Variants in SORBS2 observed in about 807,000 individuals in gnomAD.
The protein encoded by SORBS2 is sorbin and SH3 domain-containing protein 2.
SORBS2 carries 46 observed loss-of-function variants against 97.7 expected under a neutral mutation model. That is an observed-to-expected ratio of 0.47 (90% CI 0.37 to 0.60). The LOEUF (loss-of-function observed/expected upper bound fraction) is 0.60. SORBS2 is among the 20% of genes least tolerant of loss of function. The probability of loss-of-function intolerance (pLI) is 0.00; values close to 1 mark genes in which losing one functional copy is unlikely to be tolerated. For synonymous variants in SORBS2, 476 were observed against 473.4 expected (o/e 1.01, Z -0.07); for missense variants, 1,316 against 1,282.3 (o/e 1.03, Z -0.40).
chr4:185,815,025 A>G (rs1260701795), intron 1 of SORBS2, among the ~76,000 whole-genome samples: 3 of 152,254 alleles, frequency 2.0e-5, no homozygotes, highest in Non-Finnish European at 4.4e-5. Context: ...CATCTTTCTG[A>G]GTCAAGTGAG....
intron 1 of SORBS2, among the ~76,000 whole-genome samples, chr4:185,870,784 A>G (rs2099229999): frequency 6.6e-6 from 1 of 152,238 alleles, no homozygotes; most frequent in Non-Finnish European, 1.5e-5. Flanking sequence ...GTGCTTTTAC[A>G]GACCCAGTGT....
At chr4:185,905,102 CAA>C (rs201976720) in intron 1 of SORBS2, among the ~76,000 whole-genome samples, 2 of 141,326 alleles carry the variant, frequency 1.4e-5, no homozygotes. Flanking sequence ...GAAACTCTGT[CAA>C]AAAAAAAAAA....
At chr4:185,780,593 T>C (rs1158445543) in intron 1 of SORBS2, among the ~76,000 whole-genome samples, 1 of 152,244 alleles carries the variant, frequency 6.6e-6, no homozygotes, top group African/African-American at 2.4e-5. Context: ...GCAACTGCCT[T>C]ACTGACTCTT....
chr4:185,909,570 G>GA (rs148761276), intron 1 of SORBS2, among the ~76,000 whole-genome samples: 37,051 of 151,818 alleles, frequency 0.24, 5,023 homozygotes, highest in East Asian at 0.55. Flanking sequence ...GTAAAAAAAA[G>GA]AAAAAATAAA....
intron 1 of SORBS2, among the ~76,000 whole-genome samples, chr4:185,881,574 A>T (rs914219458): frequency 3.3e-5 from 5 of 152,342 alleles, no homozygotes; most frequent in Admixed American, 1.3e-4. Flanking sequence ...GAATTCAGGG[A>T]CTATAGCACG....
intron 13 of SORBS2, chr4:185,593,644 AT>A (rs775279570): frequency 3.9e-4 from 192 of 491,230 alleles, no homozygotes; most frequent in Middle Eastern, 3.1e-3. Flanking sequence ...TCACTGAAGC[AT>A]TGGGAAGTTT....
At chr4:185,799,676 A>G (rs2099121358) in intron 1 of SORBS2, among the ~76,000 whole-genome samples, 2 of 152,308 alleles carry the variant, frequency 1.3e-5, no homozygotes, top group South Asian at 4.1e-4. Context: ...GAGTCTTTCT[A>G]TAAACTCCCA....
chr4:185,837,253 A>G (rs1049781291), intron 1 of SORBS2, among the ~76,000 whole-genome samples: 2 of 149,656 alleles, frequency 1.3e-5, no homozygotes, highest in African/African-American at 2.4e-5. Context: ...TTGTCCCTAG[A>G]AAAAAAAAAG....
chr4:185,641,758 A>T (rs1428562441), intron 4 of SORBS2, among the ~76,000 whole-genome samples: 1 of 146,134 alleles, frequency 6.8e-6, no homozygotes, highest in African/African-American at 2.6e-5. Context: ...GTTTCTTTTC[A>T]TTAAAAAAAA....
chr4:185,802,013 A>C (rs993569311), intron 1 of SORBS2, among the ~76,000 whole-genome samples: 5 of 152,310 alleles, frequency 3.3e-5, no homozygotes, highest in Admixed American at 3.3e-4. Flanking sequence ...GCTTTTCCAC[A>C]CTATTGTCAA....
At chr4:185,861,318 G>A (rs2099223617) in intron 1 of SORBS2, among the ~76,000 whole-genome samples, 1 of 131,292 alleles carries the variant, frequency 7.6e-6, no homozygotes, top group Non-Finnish European at 1.6e-5. Flanking sequence ...CTGAAAATGG[G>A]GGGTGGGGTC....
chr4:185,752,565 C>A lies in SORBS2; in HGVS notation c.-198+22662G>T, dbSNP rs527883870. Among the ~76,000 whole-genome samples the A allele has an allele frequency of 1.8e-3, 278 of 152,238 alleles. 1 individual carries two copies. Among genetic ancestry groups the A allele is most frequent in the South Asian group, 2.9e-3 (14 of 4,812 alleles). On this transcript the variant is annotated intron_variant, in intron 2 of 20. Coordinates refer to the SORBS2 transcript ENST00000284776. The stretch of plus-strand genomic sequence containing the variant: ...TGCTGGGATTACAGGCGTGAGCCAC[C>A]GTGCCCAGCCCTGCAGCAGACTTTT...
intron 2 of SORBS2, among the ~76,000 whole-genome samples, chr4:185,683,404 C>G (rs565798319): frequency 1.4e-4 from 22 of 152,092 alleles, no homozygotes; most frequent in Admixed American, 5.9e-4. Flanking sequence ...GGACTGAGAT[C>G]CTATTTGGTT....
rs535695706 is a variant in SORBS2 at position 185,923,472 on chromosome 4, A to ATTTTTTTTTTTTTTTTTTTTTTTTTTTT, written c.-338+32723_-338+32724insAAAAAAAAAAAAAAAAAAAAAAAAAAAA. 9.8e-4 allele frequency among the ~76,000 whole-genome samples: 108 copies of ATTTTTTTTTTTTTTTTTTTTTTTTTTTT among 110,466 alleles called. 7 individuals carry two copies. The highest frequency in any genetic ancestry group is 2.2e-3 in the African/African-American group (63 of 28,340). 72.5% of individuals were successfully genotyped at this position (110,466 alleles called of 152,430 possible). On this transcript the variant is annotated intron_variant, in intron 1 of 20. Transcript: ENST00000284776. ...TGCTTGGCTAAGTTTCTTTTTTTTA[A>ATTTTTTTTTTTTTTTTTTTTTTTTTTTT]TTTTTTTTTTTTGTAGAGACAGGAC...
chr4:185,900,119 A>G (rs1432463604), intron 1 of SORBS2, among the ~76,000 whole-genome samples: 3 of 152,176 alleles, frequency 2.0e-5, no homozygotes, highest in African/African-American at 4.8e-5. Context: ...TATAGTAAGA[A>G]CCCATCTCTA....
chr4:185,945,772 G>A (rs775574358), intron 1 of SORBS2, among the ~76,000 whole-genome samples: 2 of 152,188 alleles, frequency 1.3e-5, no homozygotes, highest in African/African-American at 4.8e-5. Flanking sequence ...CTAAGTGTGT[G>A]AGCAGGGGCT....
rs374254260 is a variant in SORBS2 at position 185,891,232 on chromosome 4, T to C, written c.-338+64964A>G. 5.8e-4 allele frequency among the ~76,000 whole-genome samples: 89 copies of C among 152,354 alleles called. 1 individual carries two copies. The South Asian group carries it at 0.018, about 31-fold the overall frequency. On this transcript the variant is annotated intron_variant, in intron 1 of 20. Transcript: ENST00000284776. ...TGAAATTAAACCCAAGAAGCCATCA[T>C]AATGAAATCACCTTTGCAAAAATAG... is the stretch of plus-strand genomic sequence containing the variant.
At chr4:185,767,312 C>G (rs28601834) in intron 2 of SORBS2, among the ~76,000 whole-genome samples, 72,518 of 118,984 alleles carry the variant, frequency 0.61, 18,532 homozygotes, top group African/African-American at 0.64. Flanking sequence ...GCCTGGCTAA[C>G]ACACGGTGAA....
At chr4:185,877,173 G>A (rs1315719143) in intron 1 of SORBS2, among the ~76,000 whole-genome samples, 2 of 152,012 alleles carry the variant, frequency 1.3e-5, no homozygotes, top group Non-Finnish European at 2.9e-5. Context: ...CCATAATAAT[G>A]TCGTATATTA....
Sources: allele counts gnomAD v4.1 joint callset (sites outside exome capture counted in the v4.1 genomes callset), GRCh38; gene constraint gnomAD v4.1.1; transcripts MANE v1.5; gene names NCBI Gene and HGNC (gene_info 2026-07-23, HGNC 2026-07-21).